YWHAQ: variants seen among roughly 807,000 people sequenced by gnomAD.
The protein encoded by YWHAQ is tyrosine 3-monooxygenase/tryptophan 5-monooxygenase activation protein theta, also known as 14-3-3 protein theta.
Under a neutral mutation model 28.3 loss-of-function variants are expected in YWHAQ, and 6 were observed. The ratio of observed to expected loss-of-function variants is 0.21; its 90% CI spans 0.12 to 0.42. The LOEUF is 0.42. Ranked by LOEUF, YWHAQ falls within the 10% of genes least tolerant of loss-of-function variation. YWHAQ has a pLI of 1.00. For synonymous variants in YWHAQ, 143 were observed against 119.1 expected, an observed-to-expected ratio of 1.20 and a Z score of -1.31; for missense variants, 201 against 305.6, an observed-to-expected ratio of 0.66 and a Z score of 2.55.
chr2:9,612,786 G>T (rs1472555126), intron 2 of YWHAQ, among the ~76,000 whole-genome samples: 1 of 152,194 alleles, frequency 6.6e-6, no homozygotes, highest in African/African-American at 2.4e-5. Context: ...CCGAGCCCAT[G>T]AGTACAGTCT....
At chr2:9,617,372 AC>A (rs1345197197) in intron 2 of YWHAQ, among the ~76,000 whole-genome samples, 1 of 152,198 alleles carries the variant, frequency 6.6e-6, no homozygotes, top group Non-Finnish European at 1.5e-5. Flanking sequence ...TAAGCTAGAC[AC>A]AAAAAGACAA....
intron 2 of YWHAQ, among the ~76,000 whole-genome samples, chr2:9,616,822 A>G (rs1050416168): frequency 5.3e-5 from 8 of 152,342 alleles, no homozygotes; most frequent in African/African-American, 1.9e-4. Flanking sequence ...AAAACATTAA[A>G]TGGGTATATA....
intron 2 of YWHAQ, among the ~76,000 whole-genome samples, chr2:9,612,273 C>A (rs1187972280): frequency 4.6e-5 from 7 of 152,204 alleles, no homozygotes; most frequent in Admixed American, 4.6e-4. Context: ...CAGTTTACAC[C>A]TTGCTGCCAG....
At chr2:9,609,438 G>A (rs975322932) in intron 2 of YWHAQ, among the ~76,000 whole-genome samples, 8 of 152,154 alleles carry the variant, frequency 5.3e-5, no homozygotes, top group Non-Finnish European at 8.8e-5. Context: ...CGAATAGAAA[G>A]AGAAGGTCTA....
intron 2 of YWHAQ, among the ~76,000 whole-genome samples, chr2:9,624,889 C>A (rs1667218175): frequency 6.6e-6 from 1 of 151,678 alleles, no homozygotes; most frequent in Non-Finnish European, 1.5e-5. Flanking sequence ...ATTACAGGTG[C>A]CCGCCACTAC....
At chr2:9,599,924 T>C (rs1225132261) in intron 2 of YWHAQ, among the ~76,000 whole-genome samples, 10 of 152,132 alleles carry the variant, frequency 6.6e-5, no homozygotes, top group African/African-American at 2.2e-4. Context: ...GGAAAATAAA[T>C]TGAAAACCAC....
intron 2 of YWHAQ, among the ~76,000 whole-genome samples, chr2:9,597,811 CAG>C (rs1208626644): frequency 6.9e-6 from 1 of 145,710 alleles, no homozygotes; most frequent in African/African-American, 2.5e-5. Flanking sequence ...TTTATTGAGA[CAG>C]AGTTTCACTC....
intron 2 of YWHAQ, among the ~76,000 whole-genome samples, chr2:9,620,139 G>A (rs1667116007): frequency 6.6e-6 from 1 of 152,112 alleles, no homozygotes; most frequent in South Asian, 2.1e-4. Context: ...CTTTAAGAAA[G>A]CATTTAAATT....
chr2:9,627,818 GAC>G (rs1667277887), intron 2 of YWHAQ, among the ~76,000 whole-genome samples: 1 of 152,060 alleles, frequency 6.6e-6, no homozygotes, highest in Non-Finnish European at 1.5e-5. Context: ...CAGCCACACC[GAC>G]ACACTGTTCC....
intron 2 of YWHAQ, among the ~76,000 whole-genome samples, chr2:9,614,699 T>G (rs911064698): frequency 8.5e-5 from 13 of 152,216 alleles, no homozygotes; most frequent in Non-Finnish European, 1.8e-4. Context: ...ATACTTTGAT[T>G]TGAGCTTTGC....
intron 2 of YWHAQ, among the ~76,000 whole-genome samples, chr2:9,610,130 T>C (rs1264575960): frequency 1.3e-5 from 2 of 152,222 alleles, no homozygotes; most frequent in Non-Finnish European, 2.9e-5. Context: ...ACTGAAGTAT[T>C]GATTATTTGC....
At chr2:9,624,652 G>A (rs1347426034) in intron 2 of YWHAQ, among the ~76,000 whole-genome samples, 1 of 152,088 alleles carries the variant, frequency 6.6e-6, no homozygotes, top group African/African-American at 2.4e-5. Context: ...AAGGTCTCCA[G>A]ATGTTGCCAA....
intron 2 of YWHAQ, among the ~76,000 whole-genome samples, chr2:9,596,032 G>A (rs893759293): frequency 7.2e-5 from 11 of 152,174 alleles, no homozygotes; most frequent in African/African-American, 2.2e-4. Flanking sequence ...AGGAAAGAAT[G>A]TAAGTTATTA....
intron 2 of YWHAQ, among the ~76,000 whole-genome samples, chr2:9,606,127 C>A (rs1395840783): frequency 6.6e-6 from 1 of 152,208 alleles, no homozygotes; most frequent in Non-Finnish European, 1.5e-5. Context: ...GTATTTCCAA[C>A]TATGCACCAA....
intron 2 of YWHAQ, among the ~76,000 whole-genome samples, chr2:9,606,513 G>A (rs1666831310): frequency 6.6e-6 from 1 of 151,844 alleles, no homozygotes; most frequent in African/African-American, 2.4e-5. Flanking sequence ...AAATGCAGGT[G>A]AACATCTGTC....
intron 2 of YWHAQ, among the ~76,000 whole-genome samples, chr2:9,618,726 C>G (rs954754435): frequency 6.7e-6 from 1 of 149,212 alleles, no homozygotes; most frequent in Non-Finnish European, 1.5e-5. Flanking sequence ...GTTGCCAGGG[C>G]TGGTCTCGAA....
intron 2 of YWHAQ, among the ~76,000 whole-genome samples, chr2:9,597,560 C>T (rs962448564): frequency 4.1e-5 from 6 of 146,264 alleles, no homozygotes; most frequent in African/African-American, 1.5e-4. Flanking sequence ...GCAGGAGAAT[C>T]GCTTGAAACT....
intron 2 of YWHAQ, among the ~76,000 whole-genome samples, chr2:9,625,140 T>C (rs1007276878): frequency 6.6e-6 from 1 of 151,204 alleles, no homozygotes; most frequent in Non-Finnish European, 1.5e-5. Flanking sequence ...TGCATGCCTG[T>C]AATCCCAGCT....
At chr2:9,606,726 C>T (rs963644687) in intron 2 of YWHAQ, among the ~76,000 whole-genome samples, 1 of 152,062 alleles carries the variant, frequency 6.6e-6, no homozygotes, top group African/African-American at 2.4e-5. Flanking sequence ...GAAGGGGTTT[C>T]ACCATGTTGG....
Sources: gnomAD v4.1 joint callset for allele counts (sites outside exome capture counted in the v4.1 genomes callset) on GRCh38, gnomAD v4.1.1 for gene constraint, MANE v1.5 for transcripts, NCBI Gene and HGNC (gene_info 2026-07-23, HGNC 2026-07-21) for gene names.